Variants in LRRC4C observed in about 807,000 individuals in gnomAD.
The protein encoded by LRRC4C is leucine rich repeat containing 4C.
LRRC4C carries 5 observed loss-of-function variants against 33.6 expected under a neutral mutation model. The observed-to-expected ratio is 0.15, with a 90% CI of 0.08 to 0.31. The LOEUF is 0.31. LRRC4C is among the 10% of genes least tolerant of loss of function. The pLI is 1.00. For synonymous variants in LRRC4C, 329 were observed against 302.0 expected (o/e 1.09, Z -0.93); for missense variants, 560 against 796.7 (o/e 0.70, Z 3.58).
intron 1 of LRRC4C, among the ~76,000 whole-genome samples, chr11:41,105,727 G>A (rs549773968): frequency 6.6e-6 from 1 of 152,174 alleles, no homozygotes; most frequent in African/African-American, 2.4e-5. Flanking sequence ...CAATTGGAGA[G>A]ATTGTGTTGG....
chr11:40,154,344 G>C (rs900136346), intron 5 of LRRC4C, among the ~76,000 whole-genome samples: 1 of 147,366 alleles, frequency 6.8e-6, no homozygotes, highest in East Asian at 2.0e-4. Flanking sequence ...CACAATTAAT[G>C]CAACAGTACC....
At chr11:40,156,870 C>T (rs1336971857) in intron 5 of LRRC4C, among the ~76,000 whole-genome samples, 1 of 152,020 alleles carries the variant, frequency 6.6e-6, no homozygotes, top group African/African-American at 2.4e-5. Context: ...AACACAATTT[C>T]CATCAAAATA....
chr11:40,712,459 T>A (rs1946514604), intron 2 of LRRC4C, among the ~76,000 whole-genome samples: 1 of 152,178 alleles, frequency 6.6e-6, no homozygotes, highest in African/African-American at 2.4e-5. Flanking sequence ...TAATATGGTT[T>A]GACTGTGTCC....
intron 1 of LRRC4C, among the ~76,000 whole-genome samples, chr11:41,050,106 T>TG (rs1486414136): frequency 6.6e-6 from 1 of 152,202 alleles, no homozygotes; most frequent in Non-Finnish European, 1.5e-5. Flanking sequence ...GCATTTATTC[T>TG]GGGAGGCATC....
At chr11:41,306,476 A>G (rs1591220889) in intron 1 of LRRC4C, among the ~76,000 whole-genome samples, 1 of 152,234 alleles carries the variant, frequency 6.6e-6, no homozygotes, top group East Asian at 1.9e-4. Context: ...AAAGAGTGGC[A>G]GTCTGTGAAT....
At chr11:40,631,086 T>G (rs1963444525) in intron 3 of LRRC4C, among the ~76,000 whole-genome samples, 1 of 152,202 alleles carries the variant, frequency 6.6e-6, no homozygotes, top group Admixed American at 6.5e-5. Flanking sequence ...GTTTTCTGAC[T>G]TTCCTAATTC....
intron 3 of LRRC4C, among the ~76,000 whole-genome samples, chr11:40,541,088 CAAAA>C (rs970882015): frequency 1.3e-5 from 2 of 152,024 alleles, no homozygotes; most frequent in African/African-American, 4.8e-5. Flanking sequence ...ATGAGGCACA[CAAAA>C]AAACTTAAAG....
At chr11:40,666,837 T>G (rs1028660520) in intron 2 of LRRC4C, among the ~76,000 whole-genome samples, 2 of 152,172 alleles carry the variant, frequency 1.3e-5, no homozygotes, top group Non-Finnish European at 2.9e-5. Context: ...TTGCATAGGC[T>G]ATCCTAGCCA....
chr11:41,321,207 A>C (rs1209172345), intron 1 of LRRC4C, among the ~76,000 whole-genome samples: 2 of 152,208 alleles, frequency 1.3e-5, no homozygotes, highest in African/African-American at 4.8e-5. Flanking sequence ...TAAAAATAAG[A>C]ATCACAGAAT....
intron 3 of LRRC4C, among the ~76,000 whole-genome samples, chr11:40,361,314 A>C (rs1159785312): frequency 1.3e-5 from 2 of 151,932 alleles, no homozygotes; most frequent in Non-Finnish European, 1.5e-5. Flanking sequence ...CTATCCCTTC[A>C]TTGTCTCAGC....
chr11:40,463,786 A>T (rs1340723973), intron 3 of LRRC4C, among the ~76,000 whole-genome samples: 2 of 152,096 alleles, frequency 1.3e-5, no homozygotes, highest in African/African-American at 2.4e-5. Context: ...AGGCTTTAAG[A>T]AGACTTATGG....
At chr11:40,186,025 T>C (rs7107718) in intron 5 of LRRC4C, among the ~76,000 whole-genome samples, 14,632 of 152,212 alleles carry the variant, frequency 0.096, 1,373 homozygotes, top group African/African-American at 0.25. Context: ...CTCTCCTTAG[T>C]ACTTCCTGCA....
chr11:40,943,888 T>G (rs1319099011), intron 1 of LRRC4C, among the ~76,000 whole-genome samples: 1 of 152,196 alleles, frequency 6.6e-6, no homozygotes, highest in Admixed American at 6.6e-5. Context: ...TAGCTCTCCC[T>G]CTTCCCCAAT....
At chr11:41,159,659 C>T (rs909335892) in intron 1 of LRRC4C, among the ~76,000 whole-genome samples, 7 of 152,008 alleles carry the variant, frequency 4.6e-5, no homozygotes, top group African/African-American at 1.7e-4. Context: ...ATTTACTACT[C>T]GACTCTCATG....
intron 2 of LRRC4C, among the ~76,000 whole-genome samples, chr11:40,760,542 T>G (rs185994375): frequency 6.6e-6 from 1 of 152,024 alleles, no homozygotes; most frequent in African/African-American, 2.4e-5. Flanking sequence ...TATAGAAGTG[T>G]ATTTTAAGGC....
intron 2 of LRRC4C, among the ~76,000 whole-genome samples, chr11:40,791,533 A>G (rs1393518602): frequency 6.6e-6 from 1 of 152,196 alleles, no homozygotes; most frequent in East Asian, 1.9e-4. Flanking sequence ...ACTAAGCACT[A>G]TGGAGAAGTA....
At chr11:41,446,427 C>T (rs1433023968) in intron 1 of LRRC4C, among the ~76,000 whole-genome samples, 2 of 152,200 alleles carry the variant, frequency 1.3e-5, no homozygotes, top group Non-Finnish European at 1.5e-5. Flanking sequence ...AGCTAGAGAA[C>T]AGGCTGGGCT....
chr11:40,870,001 A>G (rs1954555669), intron 2 of LRRC4C, among the ~76,000 whole-genome samples: 1 of 152,068 alleles, frequency 6.6e-6, no homozygotes, highest in Non-Finnish European at 1.5e-5. Context: ...GCTGTTCATA[A>G]CATACTGTGG....
intron 1 of LRRC4C, among the ~76,000 whole-genome samples, chr11:41,150,649 G>C (rs1943949617): frequency 6.6e-6 from 1 of 151,800 alleles, no homozygotes; most frequent in South Asian, 2.1e-4. Flanking sequence ...AATTAGCCAG[G>C]TGTGGTGATG....
Sources: allele counts gnomAD v4.1 joint callset (sites outside exome capture counted in the v4.1 genomes callset), GRCh38; gene constraint gnomAD v4.1.1; transcripts MANE v1.5; gene names NCBI Gene and HGNC (gene_info 2026-07-23, HGNC 2026-07-21).